CDH12: variants seen among roughly 807,000 people sequenced by gnomAD.
CDH12 encodes the protein cadherin 12.
A neutral mutation model predicts 74.1 loss-of-function variants in CDH12; 41 were observed. The observed-to-expected ratio is 0.55, with a 90% CI of 0.43 to 0.72. CDH12 has a LOEUF of 0.72. CDH12 is among the 30% of genes least tolerant of loss of function. The pLI is 0.00. For missense variants in CDH12, 945 were observed against 977.2 expected, an observed-to-expected ratio of 0.97 and a Z score of 0.44; for synonymous variants, 399 against 355.0, an observed-to-expected ratio of 1.12 and a Z score of -1.39.
chr5:22,740,588 AAAAT>A (rs1744978390), intron 1 of CDH12, among the ~76,000 whole-genome samples: 1 of 152,146 alleles, frequency 6.6e-6, no homozygotes, highest in Non-Finnish European at 1.5e-5. Flanking sequence ...TTGTAAATAT[AAAAT>A]AAATTATTAT....
At chr5:22,449,151 C>T (rs1166915440) in intron 2 of CDH12, among the ~76,000 whole-genome samples, 8 of 151,820 alleles carry the variant, frequency 5.3e-5, no homozygotes, top group Admixed American at 2.0e-4. Context: ...ACTGGTACTG[C>T]GTATTTTGTA....
chr5:22,849,877 C>T (rs943580241), intron 1 of CDH12, among the ~76,000 whole-genome samples: 2 of 151,876 alleles, frequency 1.3e-5, no homozygotes, highest in Non-Finnish European at 2.9e-5. Flanking sequence ...TAAAAAAATA[C>T]CTGAAGCATA....
chr5:21,798,835 G>A (rs974098757), intron 10 of CDH12, among the ~76,000 whole-genome samples: 3 of 152,054 alleles, frequency 2.0e-5, no homozygotes, highest in African/African-American at 4.8e-5. Context: ...CTCCATCAAC[G>A]GTAATTTGTT....
At chr5:22,349,040 G>C (rs1740244315) in intron 3 of CDH12, among the ~76,000 whole-genome samples, 1 of 152,114 alleles carries the variant, frequency 6.6e-6, no homozygotes, top group Admixed American at 6.6e-5. Context: ...CTCATGAATG[G>C]GATGAGTGCC....
At chr5:22,848,580 G>A (rs999515885) in intron 1 of CDH12, among the ~76,000 whole-genome samples, 2 of 152,032 alleles carry the variant, frequency 1.3e-5, no homozygotes, top group Non-Finnish European at 2.9e-5. Context: ...GTCCTTCTTG[G>A]ATCTCAGATC....
At chr5:21,759,259 T>C (rs17261360) in intron 13 of CDH12, among the ~76,000 whole-genome samples, 1 of 133,176 alleles carries the variant, frequency 7.5e-6, no homozygotes, top group Non-Finnish European at 1.6e-5. Flanking sequence ...TTAAGTGGCT[T>C]TTTTTTTAAT....
intron 2 of CDH12, among the ~76,000 whole-genome samples, chr5:22,467,446 C>T (rs917026208): frequency 6.6e-6 from 1 of 152,186 alleles, no homozygotes; most frequent in Non-Finnish European, 1.5e-5. Context: ...TCTCTTCCCA[C>T]ATCCTGTCAC....
chr5:22,038,896 A>T (rs775886242), intron 5 of CDH12, among the ~76,000 whole-genome samples: 5 of 152,086 alleles, frequency 3.3e-5, no homozygotes, highest in Non-Finnish European at 7.4e-5. Context: ...ATACAGGCCA[A>T]ATGGTGCTAG....
chr5:21,824,845 C>A (rs1748571541), intron 8 of CDH12, among the ~76,000 whole-genome samples: 1 of 152,042 alleles, frequency 6.6e-6, no homozygotes, highest in Admixed American at 6.6e-5. Flanking sequence ...CTCTACAAAA[C>A]ATGCTTTAAA....
intron 7 of CDH12, among the ~76,000 whole-genome samples, chr5:21,851,621 C>T (rs7705259): frequency 0.02 from 3,075 of 151,206 alleles, 93 homozygotes; most frequent in African/African-American, 0.07. Context: ...TAAATGAATG[C>T]ATCTGGATTT....
chr5:22,199,225 G>A (rs1329042541), intron 4 of CDH12, among the ~76,000 whole-genome samples: 2 of 152,076 alleles, frequency 1.3e-5, no homozygotes, highest in Admixed American at 1.3e-4. Context: ...TCTTGAATAG[G>A]ACACTAATAC....
intron 1 of CDH12, among the ~76,000 whole-genome samples, chr5:22,849,662 T>G (rs1737460260): frequency 6.6e-6 from 1 of 152,124 alleles, no homozygotes; most frequent in African/African-American, 2.4e-5. Context: ...AGTCCTGTAT[T>G]TCCCTAATGG....
intron 3 of CDH12, among the ~76,000 whole-genome samples, chr5:22,400,351 T>C (rs1742675837): frequency 6.6e-6 from 1 of 152,102 alleles, no homozygotes; most frequent in South Asian, 2.1e-4. Flanking sequence ...ATCTTGGAGT[T>C]TGAGTTGAAT....
chr5:22,032,580 G>A (rs1436346280), intron 5 of CDH12, among the ~76,000 whole-genome samples: 2 of 151,526 alleles, frequency 1.3e-5, no homozygotes, highest in East Asian at 3.9e-4. Flanking sequence ...GCATGGTGGT[G>A]CACATCTGTA....
At chr5:22,192,912 A>G (rs929249154) in intron 4 of CDH12, among the ~76,000 whole-genome samples, 3 of 152,252 alleles carry the variant, frequency 2.0e-5, no homozygotes, top group African/African-American at 7.2e-5. Context: ...ACTTGCCTGC[A>G]TAGGCAAGAG....
At chr5:22,515,579 G>A (rs780480656) in intron 1 of CDH12, among the ~76,000 whole-genome samples, 25 of 151,952 alleles carry the variant, frequency 1.6e-4, no homozygotes, top group South Asian at 4.1e-4. Flanking sequence ...AAATGGAAGG[G>A]AGAGCCTTGA....
intron 5 of CDH12, among the ~76,000 whole-genome samples, chr5:21,988,711 G>A (rs1177324506): frequency 6.6e-6 from 1 of 152,074 alleles, no homozygotes; most frequent in African/African-American, 2.4e-5. Context: ...TGAGGAGTTT[G>A]TCAGTCTAAA....
intron 1 of CDH12, among the ~76,000 whole-genome samples, chr5:22,599,577 G>GT (rs1306817791): frequency 3.3e-5 from 5 of 150,206 alleles, no homozygotes; most frequent in Admixed American, 3.3e-4. Context: ...CACCAACTCT[G>GT]TAAAAAAAAA....
At chr5:22,678,044 T>TG (rs61039186) in intron 1 of CDH12, among the ~76,000 whole-genome samples, 7,863 of 135,072 alleles carry the variant, frequency 0.058, 399 homozygotes, top group East Asian at 0.2. Context: ...ACCATCCTCA[T>TG]GGGGGGGGGG....
Sources: gnomAD v4.1 joint callset for allele counts (sites outside exome capture counted in the v4.1 genomes callset) on GRCh38, gnomAD v4.1.1 for gene constraint, MANE v1.5 for transcripts, NCBI Gene and HGNC (gene_info 2026-07-23, HGNC 2026-07-21) for gene names.